Variants in PDE1C observed in about 807,000 individuals in gnomAD.
PDE1C encodes phosphodiesterase 1C.
In PDE1C, 62 loss-of-function variants were observed where a neutral mutation model predicts 93.1. The observed-to-expected ratio is 0.67, with a 90% CI of 0.54 to 0.82. The LOEUF is 0.82. PDE1C is among the 40% of genes least tolerant of loss of function. PDE1C has a pLI of 0.00. For synonymous variants in PDE1C, 325 were observed against 310.1 expected (o/e 1.05, Z -0.50); for missense variants, 742 against 884.6 (o/e 0.84, Z 2.04).
the PDE1C span, among the ~76,000 whole-genome samples, chr7:31,705,986 A>ATTTTT: frequency 5.7e-4 from 30 of 52,512 alleles, 10 homozygotes; most frequent in Non-Finnish European, 5.3e-4. Context: ...CAGACCAGTA[A>ATTTTT]TTTTTTTTTT....
At chr7:31,778,969 A>G (rs1277120506) in intron 16 of PDE1C, among the ~76,000 whole-genome samples, 1 of 152,112 alleles carries the variant, frequency 6.6e-6, no homozygotes, top group Non-Finnish European at 1.5e-5. Context: ...TAACCAACCC[A>G]TTGTCTGGGT....
At chr7:31,918,768 T>C (rs1225288696) in intron 2 of PDE1C, among the ~76,000 whole-genome samples, 1 of 152,206 alleles carries the variant, frequency 6.6e-6, no homozygotes, top group Non-Finnish European at 1.5e-5. Context: ...GTCATTGCCT[T>C]GCTGTCACAT....
At chr7:31,636,026 G>A in the PDE1C span, among the ~76,000 whole-genome samples, 1 of 152,164 alleles carries the variant, frequency 6.6e-6, no homozygotes, top group African/African-American at 2.4e-5. Context: ...ACGGCAGAAG[G>A]CACTTTTTCA....
At chr7:32,323,729 C>A (rs1783347196) in intron 1 of PDE1C, among the ~76,000 whole-genome samples, 1 of 152,150 alleles carries the variant, frequency 6.6e-6, no homozygotes, top group African/African-American at 2.4e-5. Context: ...GTTCAACCAG[C>A]CAAAACCTTC....
the PDE1C span, among the ~76,000 whole-genome samples, chr7:31,668,537 T>A: frequency 6.6e-6 from 1 of 152,080 alleles, no homozygotes; most frequent in Non-Finnish European, 1.5e-5. Flanking sequence ...ACAATGTGGA[T>A]AAACCTCATA....
chr7:31,661,346 C>T, the PDE1C span, among the ~76,000 whole-genome samples: 2 of 152,078 alleles, frequency 1.3e-5, no homozygotes, highest in African/African-American at 2.4e-5. Flanking sequence ...TGACTGCTAC[C>T]TTCTGTGCTT....
In PDE1C at chr7:32,018,631, A is replaced by G. The variant is rs574522404; in HGVS notation, c.128+32923T>C. Among the ~76,000 whole-genome samples, 264 of 152,304 alleles carry G rather than the reference A, an allele frequency of 1.7e-3. 1 individual carries two copies. The highest frequency in any genetic ancestry group is 6.8e-3 in the Middle Eastern group (2 of 294). On this transcript the variant is annotated intron_variant, in intron 2 of 17. Coordinates refer to ENST00000396191, the MANE Select transcript of PDE1C (RefSeq NM_001191057.4). The stretch of plus-strand genomic sequence containing the variant: ...AGAATAGGTGAATCTACACAGACAG[A>G]CAGTAGATTAGTGGTTGTGTAGAGT...
intron 1 of PDE1C, among the ~76,000 whole-genome samples, chr7:32,348,238 T>C (rs543704580): frequency 6.6e-6 from 1 of 152,130 alleles, no homozygotes; most frequent in South Asian, 2.1e-4. Flanking sequence ...TAGAAAGGTA[T>C]GTAAAGGAGA....
intron 16 of PDE1C, among the ~76,000 whole-genome samples, chr7:31,792,923 A>C (rs1784746708): frequency 6.6e-6 from 1 of 152,052 alleles, no homozygotes; most frequent in African/African-American, 2.4e-5. Context: ...ATCTTGGAAT[A>C]ATTCAGGAAA....
chr7:31,904,807 C>T (rs1800391920), intron 2 of PDE1C, among the ~76,000 whole-genome samples: 1 of 152,038 alleles, frequency 6.6e-6, no homozygotes, highest in Non-Finnish European at 1.5e-5. Context: ...AGGTTTGGAT[C>T]CTCTGTCAAT....
chr7:31,639,852 G>A, the PDE1C span, among the ~76,000 whole-genome samples: 1 of 152,076 alleles, frequency 6.6e-6, no homozygotes. Flanking sequence ...TTTAATAAAT[G>A]TTTTAATGCT....
At chr7:32,367,330 A>C (rs1043454738) in intron 1 of PDE1C, among the ~76,000 whole-genome samples, 4 of 152,220 alleles carry the variant, frequency 2.6e-5, no homozygotes, top group Non-Finnish European at 5.9e-5. Flanking sequence ...AAAAATAAAC[A>C]ATAACAGAAG....
At position 31,763,715 on chromosome 7, in the gene PDE1C, T is replaced by G. The variant is rs146519932; in HGVS notation, c.1961-10162A>C. 3.3e-5 allele frequency among the ~76,000 whole-genome samples: 5 copies of G among 152,316 alleles called. No individual in the cohort carries two copies. In the East Asian group the frequency reaches 9.7e-4, roughly 29 times the overall value. ...GTTGTAGGTATTTGATATACAGCCA[T>G]CATTGTTACACAGCACAGGAAGACA... On this transcript the variant is annotated intron_variant, in intron 17 of 17. Transcript: ENST00000396191.
At chr7:32,177,113 A>G (rs1803049511) in intron 2 of PDE1C, among the ~76,000 whole-genome samples, 1 of 152,260 alleles carries the variant, frequency 6.6e-6, no homozygotes, top group Non-Finnish European at 1.5e-5. Flanking sequence ...AAAGACGAAC[A>G]AAGAACACTG....
intron 1 of PDE1C, among the ~76,000 whole-genome samples, chr7:32,324,032 C>A (rs770136498): frequency 1.3e-5 from 2 of 152,146 alleles, no homozygotes; most frequent in Non-Finnish European, 2.9e-5. Flanking sequence ...CTGCCACCTG[C>A]TTTTGTAGGA....
At chr7:32,174,887 C>T (rs888737437) in intron 2 of PDE1C, among the ~76,000 whole-genome samples, 1 of 151,978 alleles carries the variant, frequency 6.6e-6, no homozygotes, top group Non-Finnish European at 1.5e-5. Flanking sequence ...TTACATCTTA[C>T]CCATAAATAT....
At chr7:31,889,883 A>C (rs1378282300) in intron 2 of PDE1C, among the ~76,000 whole-genome samples, 1 of 152,188 alleles carries the variant, frequency 6.6e-6, no homozygotes. Flanking sequence ...GGAGCTCCCT[A>C]ACAGTCATTC....
chr7:31,663,064 C>T, the PDE1C span, among the ~76,000 whole-genome samples: 1 of 152,174 alleles, frequency 6.6e-6, no homozygotes, highest in Non-Finnish European at 1.5e-5. Context: ...ACTTATAACT[C>T]CCGGTGCTGG....
At chr7:32,303,015 C>T (rs1168000778), upstream of PDE1C, among the ~76,000 whole-genome samples, 1 of 152,194 alleles carries the variant, frequency 6.6e-6, no homozygotes, top group African/African-American at 2.4e-5. Context: ...AATGAAGTTT[C>T]TGAACTGCAA....
Sources: allele counts gnomAD v4.1 joint callset (sites outside exome capture counted in the v4.1 genomes callset), GRCh38; gene constraint gnomAD v4.1.1; transcripts MANE v1.5; gene names NCBI Gene and HGNC (gene_info 2026-07-23, HGNC 2026-07-21).